Variants in PRKDC observed in about 807,000 individuals in gnomAD.
The protein encoded by PRKDC is protein kinase, DNA-activated, catalytic subunit.
In PRKDC, 82 loss-of-function variants were observed where a neutral mutation model predicts 486.9. The observed-to-expected ratio is 0.17, with a 90% CI of 0.14 to 0.20. The LOEUF (loss-of-function observed/expected upper bound fraction) is 0.20. PRKDC is among the 10% of genes least tolerant of loss of function. PRKDC has a pLI of 1.00. For synonymous variants in PRKDC, 1,895 were observed against 1,837.0 expected (o/e 1.03, Z -0.81); for missense variants, 4,504 against 5,038.2 (o/e 0.89, Z 3.21).
intron 8 of PRKDC, 41 bp downstream of exon 8, chr8:47,943,933 T>C (rs767641636): frequency 1.3e-6 from 2 of 1,559,130 alleles, no homozygotes; most frequent in Non-Finnish European, 1.7e-6. Context: ...GTCTGCACTG[T>C]AAAGGCATTA....
At chr8:47,862,590 C>T (rs1205569926) in intron 42 of PRKDC, 49 bp from the exon 43 acceptor site, 3 of 1,515,380 alleles carry the variant, frequency 2.0e-6, no homozygotes, top group Non-Finnish European at 2.7e-6. Flanking sequence ...ATGGCAATCA[C>T]TGCTCAAGCC....
rs8178023 is a variant in PRKDC, at chr8:47,935,987, G to A, written c.1279-87C>T. 2.5e-5 allele frequency: 31 copies of A among 1,255,326 alleles called. No individual in the cohort carries two copies. The Admixed American group carries it at 7.6e-4, about 31-fold the overall frequency. 77.8% of individuals were successfully genotyped at this position (1,255,326 alleles called of 1,614,324 possible). On this transcript the variant is annotated intron_variant, in intron 12 of 85. Transcript: ENST00000314191. ...ACAAATATTCAAAGTAATTACAACT[G>A]AATTAGATACTTATTAAAAGAAAAA...
intron 40 of PRKDC, among the ~76,000 whole-genome samples, chr8:47,875,150 CATTTT>C (rs1431487302): frequency 6.6e-6 from 1 of 152,182 alleles, no homozygotes; most frequent in East Asian, 1.9e-4. Context: ...TGTATTCACA[CATTTT>C]ATTTCTTCTT....
intron 30 of PRKDC, among the ~76,000 whole-genome samples, chr8:47,895,404 G>C (rs1457963011): frequency 2.0e-5 from 3 of 152,126 alleles, no homozygotes; most frequent in Non-Finnish European, 4.4e-5. Context: ...AATGCTGAGA[G>C]GTGGAACTCT....
At chr8:47,845,966 T>A (rs1312312881) in intron 54 of PRKDC, among the ~76,000 whole-genome samples, 1 of 152,082 alleles carries the variant, frequency 6.6e-6, no homozygotes, top group African/African-American at 2.4e-5. Flanking sequence ...ACAACACAAC[T>A]AAAAGTCAAT....
rs750019730 is a variant in PRKDC, at chr8:47,879,661, G to A, written c.5068-3C>T. 27 of 1,556,612 alleles carry A rather than the reference G, an allele frequency of 1.7e-5. No individual in the cohort carries two copies. The South Asian group carries it at 3.3e-4, about 19-fold the overall frequency. Reference sequence around the variant, plus strand: ...GGAAGAAGAGTGACAGCTTGGCCCTGTGGAGCAAGACAGACATAAGAAACT... The same window carrying A: ...GGAAGAAGAGTGACAGCTTGGCCCTATGGAGCAAGACAGACATAAGAAACT... On this transcript the variant is annotated splice_polypyrimidine_tract_variant and splice_region_variant and intron_variant, in intron 38 of 85. Transcript: ENST00000314191.
chr8:47,894,367 TATA>T (rs1161121755), intron 30 of PRKDC, among the ~76,000 whole-genome samples: 2 of 152,110 alleles, frequency 1.3e-5, no homozygotes, highest in East Asian at 1.9e-4. Context: ...CAAAGAAATG[TATA>T]ATAATGAGCA....
At position 47,935,870 on chromosome 8, in the gene PRKDC, G is replaced by A. The variant is rs936408574; in HGVS notation, c.1309C>T (p.His437Tyr). 1.9e-6 allele frequency: 3 copies of A among 1,613,784 alleles called. No individual in the cohort carries two copies. The African/African-American group carries it at 4.0e-5, about 22-fold the overall frequency. Reference protein sequence around the residue: ...VPEVYTPVLEHLVVMQIDSFP... With the variant: ...VPEVYTPVLEYLVVMQIDSFP... ...CTGTCTATCTGCATCACCACGAGGTGCTCCAGAACTGGAGTATACACCTCA... is the reference window on the plus strand; with the variant it reads ...CTGTCTATCTGCATCACCACGAGGTACTCCAGAACTGGAGTATACACCTCA... The change falls in exon 13 of 86, where the codon CAC becomes TAC. Residue 437 changes from histidine to tyrosine, a missense_variant. By Grantham distance (83) the His-to-Tyr change is moderately conservative. Around this residue, in one of 6 missense-constraint regions of PRKDC, gnomAD observed 1,969 missense variants for 2,068.9 expected, o/e 0.95. Transcript: ENST00000314191.
intron 68 of PRKDC, among the ~76,000 whole-genome samples, chr8:47,816,685 A>C (rs1251956273): frequency 1.3e-5 from 2 of 152,230 alleles, no homozygotes; most frequent in Non-Finnish European, 2.9e-5. Flanking sequence ...GTAGAAAAGA[A>C]AAAAATACAA....
chr8:47,836,346 T>G lies in PRKDC; in HGVS notation c.7943A>C (p.Gln2648Pro). 2 of 1,586,484 alleles carry G rather than the reference T, an allele frequency of 1.3e-6. No individual in the cohort carries two copies. Among genetic ancestry groups the G allele is most frequent in the South Asian group, 2.3e-5 (2 of 87,574 alleles). ...TQQQHDFTLT[Q>P]TADGRSSFDW... Reference sequence around the variant, plus strand: ...GGCAGGGTCACTGTTACCTGCAGTCTGTGTCAGTGTGAAGTCATGCTGCTG... The same window carrying G: ...GGCAGGGTCACTGTTACCTGCAGTCGGTGTCAGTGTGAAGTCATGCTGCTG... Residue 2648 changes from glutamine (Q) to proline (P), a missense_variant, in exon 58 of 86, where the codon CAG becomes CCG. Physicochemically the swap from Gln to Pro is moderately conservative, Grantham distance 76 (BLOSUM62 -1). Coordinates refer to ENST00000314191, the MANE Select transcript of PRKDC (RefSeq NM_006904.7).
At position 47,774,124 on chromosome 8, in the gene PRKDC, A is replaced by G. The variant is rs2086564289; in HGVS notation, c.*49T>C. The G allele has an allele frequency of 3.3e-6, 5 of 1,506,744 alleles. No homozygotes were observed. Among genetic ancestry groups the G allele is most frequent in the Non-Finnish European group, 4.5e-6 (5 of 1,121,778 alleles). 93.3% of individuals were successfully genotyped at this position (1,506,744 alleles called of 1,614,324 possible). On this transcript the variant is annotated 3_prime_UTR_variant, in exon 86 of 86. Coordinates refer to ENST00000314191, the MANE Select transcript of PRKDC (RefSeq NM_006904.7). Reference sequence around the variant, plus strand: ...GGAATGCTGCCAACCAAAGTATAGTAGATTCTTTAAACAATGTAATGCTTT... The same window carrying G: ...GGAATGCTGCCAACCAAAGTATAGTGGATTCTTTAAACAATGTAATGCTTT...
chr8:47,803,094 G>A (rs1237998157), intron 70 of PRKDC, among the ~76,000 whole-genome samples: 1 of 152,278 alleles, frequency 6.6e-6, no homozygotes, highest in South Asian at 2.1e-4. Flanking sequence ...GGCTGAAATG[G>A]CTTTTCATGT....
chr8:47,839,465 C>T (rs868737148), intron 55 of PRKDC, among the ~76,000 whole-genome samples: 1 of 152,256 alleles, frequency 6.6e-6, no homozygotes. Flanking sequence ...GGAGGATGGG[C>T]CCACAGGAGG....
intron 54 of PRKDC, among the ~76,000 whole-genome samples, chr8:47,841,725 TGG>T (rs1221055732): frequency 1.6e-4 from 25 of 152,324 alleles, no homozygotes; most frequent in Non-Finnish European, 3.1e-4. Flanking sequence ...TCCACAAGGC[TGG>T]TCTGGGAAGG....
intron 25 of PRKDC, among the ~76,000 whole-genome samples, chr8:47,906,221 C>T (rs1254604623): frequency 6.6e-6 from 1 of 152,094 alleles, no homozygotes; most frequent in Admixed American, 6.5e-5. Flanking sequence ...GTGGTGCGTG[C>T]CTGTAGTCCC....
rs748909226 is a variant in PRKDC, at chr8:47,837,424, AAAGC to A, written c.7554-9_7554-6del. The A allele has an allele frequency of 1.3e-6, 2 of 1,586,538 alleles. No homozygotes were observed. Among genetic ancestry groups the A allele is most frequent in the Non-Finnish European group, 1.7e-6 (2 of 1,156,066 alleles). ...CAGAAATTTCGAATAATTAATCTGA[AAAGC>A]AAAGAGAAAAAAGTATATTGCTTAG... is the stretch of plus-strand genomic sequence containing the variant. On this transcript the variant is annotated splice_polypyrimidine_tract_variant and splice_region_variant and intron_variant, in intron 56 of 85. Transcript: ENST00000314191.
At position 47,888,546 on chromosome 8, in the gene PRKDC, C is replaced by G; in HGVS notation, c.4385G>C (p.Gly1462Ala). ...VSACKQLHRA[G>A]LLHNILPSQS... ...AGACGGTAATATATTATGCAGAAGC[C>G]CAGCTCTGTGAAGCTGTTTACAGGC... The change falls in exon 34 of 86, where the codon GGG becomes GCG. Residue 1462 changes from glycine (G) to alanine (A), a missense_variant. By Grantham distance (60) the Gly-to-Ala change is moderately conservative. Transcript: ENST00000314191. 1.3e-6 allele frequency: 2 copies of G among 1,575,796 alleles called. No individual in the cohort carries two copies. The highest frequency in any genetic ancestry group is 1.7e-6 in the Non-Finnish European group (2 of 1,159,948).
chr8:47,827,031 C>T (rs1216243321), intron 62 of PRKDC, among the ~76,000 whole-genome samples, 170 bp from the exon 63 acceptor site: 1 of 151,876 alleles, frequency 6.6e-6, no homozygotes, highest in Non-Finnish European at 1.5e-5. Flanking sequence ...ATTCAATTTG[C>T]TCAAAGGAGG....
intron 21 of PRKDC, among the ~76,000 whole-genome samples, chr8:47,922,404 G>A (rs1385822084): frequency 2.0e-5 from 3 of 151,994 alleles, no homozygotes; most frequent in Non-Finnish European, 4.4e-5. Context: ...CCCGGGAGGC[G>A]GAGGTTGCAG....
Sources: allele counts gnomAD v4.1 joint callset (sites outside exome capture counted in the v4.1 genomes callset), GRCh38; gene constraint gnomAD v4.1.1; regional missense constraint gnomAD v4.1.1; transcripts MANE v1.5; gene names NCBI Gene and HGNC (gene_info 2026-07-23, HGNC 2026-07-21).